The following RNLS variants were observed in gnomAD, a reference collection of about 807,000 sequenced individuals.
The protein encoded by RNLS is renalase, FAD dependent amine oxidase.
A neutral mutation model predicts 39.8 loss-of-function variants in RNLS; 39 were observed. The ratio of observed to expected loss-of-function variants is 0.98; its 90% CI spans 0.76 to 1.28. The LOEUF is 1.28. Among genes scored for constraint, RNLS ranks in the 50% most tolerant of loss-of-function variants. RNLS has a pLI of 0.00. For synonymous variants in RNLS, 147 were observed against 150.7 expected (o/e 0.98, Z 0.18); for missense variants, 410 against 413.3 (o/e 0.99, Z 0.07).
At chr10:88,402,915 A>G (rs1397222433) in intron 4 of RNLS, among the ~76,000 whole-genome samples, 2 of 152,058 alleles carry the variant, frequency 1.3e-5, no homozygotes, top group Non-Finnish European at 1.5e-5. Context: ...TTCCTAATGA[A>G]TTAACAGACC....
intron 5 of RNLS, among the ~76,000 whole-genome samples, chr10:88,330,598 A>G (rs1159629128): frequency 6.6e-6 from 1 of 152,186 alleles, no homozygotes; most frequent in Non-Finnish European, 1.5e-5. Flanking sequence ...AAAAAATGGA[A>G]AAAAGATGTA....
rs79326680 is a variant in RNLS, at chr10:88,534,390, T to C, written c.526+38513A>G. ...TTTTAAAATAGGAGACAGCAGAGGC[T>C]TGAAATAGGGAATTGCTCTGAGCTG... On this transcript the variant is annotated intron_variant, in intron 4 of 6. Coordinates refer to ENST00000331772, the MANE Select transcript of RNLS (RefSeq NM_001031709.3). Among the ~76,000 whole-genome samples the C allele has an allele frequency of 5.1e-3, 772 of 152,234 alleles. 7 individuals carry two copies. Among genetic ancestry groups the C allele is most frequent in the African/African-American group, 0.018 (734 of 41,568 alleles).
chr10:88,387,572 A>G (rs1379837183), intron 4 of RNLS, among the ~76,000 whole-genome samples: 2 of 152,016 alleles, frequency 1.3e-5, no homozygotes, highest in South Asian at 2.1e-4. Context: ...AAATGAGAAT[A>G]ACAAGCCTAT....
downstream of RNLS, among the ~76,000 whole-genome samples, chr10:88,273,603 T>C (rs1307509302): frequency 2.6e-5 from 4 of 152,230 alleles, no homozygotes; most frequent in Non-Finnish European, 5.9e-5. Context: ...TTAGGTTATT[T>C]CCAGTTTTCC....
intron 4 of RNLS, among the ~76,000 whole-genome samples, chr10:88,376,144 G>A (rs966916236): frequency 7.2e-5 from 11 of 152,080 alleles, no homozygotes; most frequent in Admixed American, 1.3e-4. Context: ...CCAGGGAGGG[G>A]ATTCATGACA....
At chr10:88,364,864 G>C (rs998736731) in intron 4 of RNLS, among the ~76,000 whole-genome samples, 7 of 152,180 alleles carry the variant, frequency 4.6e-5, no homozygotes, top group Admixed American at 4.6e-4. Flanking sequence ...AAACATTAAT[G>C]CTAGCAGCTG....
At chr10:88,582,775 G>T (rs1208631609) in intron 1 of RNLS, among the ~76,000 whole-genome samples, 3 of 152,218 alleles carry the variant, frequency 2.0e-5, no homozygotes, top group Non-Finnish European at 4.4e-5. Flanking sequence ...GCAAACTCGG[G>T]TCGGGGCCCC....
At chr10:88,379,340 C>T (rs1239628354) in intron 4 of RNLS, among the ~76,000 whole-genome samples, 2 of 151,996 alleles carry the variant, frequency 1.3e-5, no homozygotes, top group East Asian at 3.9e-4. Context: ...AGTAAAATGG[C>T]CAGTTTAATA....
chr10:88,559,927 A>G (rs760508363), intron 4 of RNLS, among the ~76,000 whole-genome samples: 1 of 151,810 alleles, frequency 6.6e-6, no homozygotes, highest in Non-Finnish European at 1.5e-5. Flanking sequence ...GGTCAGAAAG[A>G]CTTTTTTTTT....
chr10:88,383,428 A>G (rs1020840801), intron 4 of RNLS, among the ~76,000 whole-genome samples: 1 of 152,298 alleles, frequency 6.6e-6, no homozygotes, highest in Middle Eastern at 3.4e-3. Flanking sequence ...CATTTCAGTG[A>G]CAACTAATGT....
At chr10:88,385,489 A>G (rs1851804352) in intron 4 of RNLS, among the ~76,000 whole-genome samples, 2 of 152,236 alleles carry the variant, frequency 1.3e-5, no homozygotes, top group Admixed American at 1.3e-4. Flanking sequence ...AAGCCCAGAC[A>G]TGACAGACTC....
the RNLS span, among the ~76,000 whole-genome samples, chr10:88,202,357 G>A: frequency 4.0e-5 from 6 of 151,508 alleles, no homozygotes; most frequent in African/African-American, 1.5e-4. Flanking sequence ...TAAATGAAGA[G>A]TTAGTGGGTG....
At chr10:88,262,673 A>G in the RNLS span, among the ~76,000 whole-genome samples, 1 of 152,214 alleles carries the variant, frequency 6.6e-6, no homozygotes, top group Non-Finnish European at 1.5e-5. Flanking sequence ...GGATTTCAAA[A>G]TTTGTAACCC....
chr10:88,249,406 GATT>G, the RNLS span, among the ~76,000 whole-genome samples: 1 of 152,074 alleles, frequency 6.6e-6, no homozygotes, highest in Admixed American at 6.5e-5. Context: ...CTGTAATTCT[GATT>G]ACTATTGCTG....
At chr10:88,178,961 GT>G in the RNLS span, among the ~76,000 whole-genome samples, 3 of 152,174 alleles carry the variant, frequency 2.0e-5, no homozygotes, top group Admixed American at 2.0e-4. Flanking sequence ...GAGATCAACT[GT>G]GAGTCAAGTG....
chr10:88,326,528 T>C (rs1430104970), intron 5 of RNLS, among the ~76,000 whole-genome samples: 1 of 152,212 alleles, frequency 6.6e-6, no homozygotes, highest in East Asian at 1.9e-4. Context: ...GTGTTCAAGA[T>C]GTGGTCTGTG....
downstream of RNLS, among the ~76,000 whole-genome samples, chr10:88,282,875 C>G (rs183824995): frequency 2.0e-5 from 3 of 152,156 alleles, no homozygotes; most frequent in Non-Finnish European, 4.4e-5. Context: ...CTGGCAAAGG[C>G]TATATTTATC....
chr10:88,299,624 C>CA (rs1426352086), intron 6 of RNLS, among the ~76,000 whole-genome samples: 1 of 151,902 alleles, frequency 6.6e-6, no homozygotes, highest in African/African-American at 2.4e-5. Flanking sequence ...GACTCCATTT[C>CA]AAAAAAAGAG....
chr10:88,397,438 C>G (rs996011421), intron 4 of RNLS, among the ~76,000 whole-genome samples: 16 of 151,890 alleles, frequency 1.1e-4, no homozygotes, highest in African/African-American at 3.4e-4. Context: ...AATGAAAACA[C>G]AATATACCAA....
Sources: allele counts gnomAD v4.1 joint callset (sites outside exome capture counted in the v4.1 genomes callset), GRCh38; gene constraint gnomAD v4.1.1; transcripts MANE v1.5; gene names NCBI Gene and HGNC (gene_info 2026-07-23, HGNC 2026-07-21).